ZNG1B: variants seen among roughly 807,000 people sequenced by gnomAD.
ZNG1B encodes Zn regulated GTPase metalloprotein activator 1B.
the ZNG1B span, among the ~76,000 whole-genome samples, chr2:113,475,556 C>T: frequency 2.6e-5 from 4 of 151,608 alleles, no homozygotes; most frequent in Non-Finnish European, 4.4e-5. Context: ...TTATTTTGCT[C>T]GTTAGTTGAT....
chr2:113,443,185 G>A, the ZNG1B span, among the ~76,000 whole-genome samples: 24 of 152,124 alleles, frequency 1.6e-4, no homozygotes, highest in East Asian at 3.5e-3. Context: ...AGCGAGGATG[G>A]TCTCGATCTC....
the ZNG1B span, chr2:113,460,635 G>A: frequency 1.3e-6 from 2 of 1,574,864 alleles, no homozygotes; most frequent in Admixed American, 1.7e-5. Flanking sequence ...ATTTTTTATT[G>A]TATTATAGTA....
At chr2:113,476,053 G>A in the ZNG1B span, among the ~76,000 whole-genome samples, 1 of 151,910 alleles carries the variant, frequency 6.6e-6, no homozygotes, top group African/African-American at 2.4e-5. Flanking sequence ...CTAGATTGGG[G>A]AAGTTCTCCT....
At chr2:113,469,144 ATTTATT>A in the ZNG1B span, 2 of 151,676 alleles carry the variant, frequency 1.3e-5, no homozygotes, top group Non-Finnish European at 2.9e-5. Flanking sequence ...TTTTATTTTT[ATTTATT>A]TTTATCTTTT....
chr2:113,445,373 G>A, the ZNG1B span: 57,143 of 255,110 alleles, frequency 0.22, 6,712 homozygotes, highest in East Asian at 0.52. Context: ...TCTAAGTACA[G>A]TTGTCCCTTG....
At chr2:113,459,368 A>G in the ZNG1B span, among the ~76,000 whole-genome samples, 5 of 151,726 alleles carry the variant, frequency 3.3e-5, no homozygotes, top group Non-Finnish European at 7.4e-5. Context: ...GAGGTTCCAA[A>G]CTATTCAGAT....
the ZNG1B span, among the ~76,000 whole-genome samples, chr2:113,439,750 C>A: frequency 6.6e-6 from 1 of 152,022 alleles, no homozygotes; most frequent in East Asian, 1.9e-4. Flanking sequence ...TACTGTGACT[C>A]CTCTGGCTAG....
chr2:113,459,569 A>G, the ZNG1B span, among the ~76,000 whole-genome samples: 3 of 151,852 alleles, frequency 2.0e-5, no homozygotes, highest in African/African-American at 4.8e-5. Flanking sequence ...GTGATTGTAT[A>G]TAAAATATAG....
At chr2:113,449,810 T>G in the ZNG1B span, among the ~76,000 whole-genome samples, 1 of 151,842 alleles carries the variant, frequency 6.6e-6, no homozygotes, top group Non-Finnish European at 1.5e-5. Flanking sequence ...CTCCTAGTGT[T>G]TGATTGGCTG....
At chr2:113,462,094 G>T in the ZNG1B span, among the ~76,000 whole-genome samples, 2 of 152,020 alleles carry the variant, frequency 1.3e-5, no homozygotes, top group Non-Finnish European at 2.9e-5. Context: ...CCTTTTGATT[G>T]TAAACTTTTT....
At chr2:113,442,974 T>G in the ZNG1B span, among the ~76,000 whole-genome samples, 1 of 150,044 alleles carries the variant, frequency 6.7e-6, no homozygotes, top group Non-Finnish European at 1.5e-5. Flanking sequence ...AAGTTTAGGT[T>G]TTTTTTTTTT....
the ZNG1B span, chr2:113,460,768 A>G: frequency 4.1e-5 from 64 of 1,575,492 alleles, 1 homozygote; most frequent in East Asian, 1.1e-3. Context: ...TGTAAAGAGA[A>G]AAATCACTAA....
chr2:113,491,978 C>CA, the ZNG1B span, among the ~76,000 whole-genome samples: 1 of 125,430 alleles, frequency 8.0e-6, no homozygotes, highest in Non-Finnish European at 1.7e-5. Flanking sequence ...ATAAAAAAAT[C>CA]AAAAAAATAG....
chr2:113,469,126 A>G, the ZNG1B span: 2 of 151,474 alleles, frequency 1.3e-5, no homozygotes, highest in Admixed American at 6.6e-5. Flanking sequence ...CATTTGGTTT[A>G]TTTTTATTTT....
chr2:113,462,544 C>T, the ZNG1B span: 10 of 1,568,380 alleles, frequency 6.4e-6, no homozygotes, highest in Non-Finnish European at 6.9e-6. Context: ...GTTGTATACA[C>T]AGAATATTTT....
chr2:113,460,326 G>C, the ZNG1B span, among the ~76,000 whole-genome samples: 2 of 152,132 alleles, frequency 1.3e-5, no homozygotes, highest in Non-Finnish European at 2.9e-5. Context: ...AGTTTTGTAA[G>C]AAGGAAAATA....
chr2:113,467,079 C>A, the ZNG1B span, among the ~76,000 whole-genome samples: 4,402 of 139,268 alleles, frequency 0.032, 437 homozygotes, highest in African/African-American at 0.12. Context: ...AAAAAAAAAA[C>A]AAACAAAAAA....
chr2:113,475,583 T>C, the ZNG1B span, among the ~76,000 whole-genome samples: 2 of 151,850 alleles, frequency 1.3e-5, no homozygotes, highest in Admixed American at 6.6e-5. Context: ...TCTTCCTAGC[T>C]TGGATGGTCT....
chr2:113,485,305 C>A, the ZNG1B span, among the ~76,000 whole-genome samples: 1 of 133,324 alleles, frequency 7.5e-6, no homozygotes, highest in African/African-American at 3.0e-5. Context: ...GTACTGGAAT[C>A]CTGGTCTAAG....
Sources: gnomAD v4.1 joint callset for allele counts (sites outside exome capture counted in the v4.1 genomes callset) on GRCh38, gnomAD v4.1.1 for gene constraint, MANE v1.5 for transcripts, NCBI Gene and HGNC (gene_info 2026-07-23, HGNC 2026-07-21) for gene names.